DYRK1A: variants seen among roughly 807,000 people sequenced by gnomAD.
DYRK1A encodes dual specificity tyrosine phosphorylation regulated kinase 1A.
A neutral mutation model predicts 79.7 loss-of-function variants in DYRK1A; 9 were observed. That is an observed-to-expected ratio of 0.11 (90% confidence interval 0.07 to 0.20). DYRK1A has a LOEUF of 0.20. Ranked by LOEUF, DYRK1A falls within the 10% of genes least tolerant of loss-of-function variation. DYRK1A has a pLI of 1.00. For missense variants in DYRK1A, 622 were observed against 956.0 expected (o/e 0.65, Z 4.61); for synonymous variants, 349 against 329.7 (o/e 1.06, Z -0.63).
At chr21:37,452,010 G>A (rs1054424029) in intron 2 of DYRK1A, among the ~76,000 whole-genome samples, 20 of 152,216 alleles carry the variant, frequency 1.3e-4, no homozygotes, top group African/African-American at 3.9e-4. Context: ...TGAGAAGGTC[G>A]GTGCAGTTAA....
At chr21:37,478,045 C>A in intron 3 of DYRK1A, 163 bp from the exon 4 acceptor site, 1 of 897,116 alleles carries the variant, frequency 1.1e-6, no homozygotes, top group Non-Finnish European at 1.7e-6. Flanking sequence ...TTGGAATCCA[C>A]ATGAAAGGGA....
At chr21:37,403,545 T>C (rs1237995141) in intron 1 of DYRK1A, among the ~76,000 whole-genome samples, 1 of 151,946 alleles carries the variant, frequency 6.6e-6, no homozygotes, top group African/African-American at 2.4e-5. Flanking sequence ...AGTTCACTGC[T>C]ACCTCACACT....
At chr21:37,468,371 C>T (rs565937366) in intron 2 of DYRK1A, among the ~76,000 whole-genome samples, 2 of 152,160 alleles carry the variant, frequency 1.3e-5, no homozygotes, top group African/African-American at 4.8e-5. Flanking sequence ...CCTCCCAAAG[C>T]CCTGCAATTA....
chr21:37,411,376 C>CA (rs900647754), intron 1 of DYRK1A, among the ~76,000 whole-genome samples: 78 of 147,964 alleles, frequency 5.3e-4, no homozygotes, highest in African/African-American at 1.9e-3. Flanking sequence ...CCCTCCCCCC[C>CA]AAAAAATGAC....
chr21:37,462,043 A>G (rs1330564210), intron 2 of DYRK1A, among the ~76,000 whole-genome samples: 6 of 151,550 alleles, frequency 4.0e-5, no homozygotes, highest in East Asian at 1.9e-4. Context: ...CGTAGATTCT[A>G]TTTCTCTATT....
intron 2 of DYRK1A, among the ~76,000 whole-genome samples, chr21:37,459,336 T>A (rs73218440): frequency 0.02 from 3,095 of 152,340 alleles, 40 homozygotes; most frequent in Non-Finnish European, 0.027. Context: ...TTAAACTTAC[T>A]GAAGGCTGAA....
At chr21:37,481,859 AAT>A (rs935185306) in intron 5 of DYRK1A, among the ~76,000 whole-genome samples, 3 of 151,946 alleles carry the variant, frequency 2.0e-5, no homozygotes, top group African/African-American at 7.3e-5. Context: ...AAAAAAAAAA[AAT>A]GTTAGGGGGA....
intron 2 of DYRK1A, among the ~76,000 whole-genome samples, chr21:37,437,668 G>A (rs1006645646): frequency 6.6e-6 from 1 of 152,086 alleles, no homozygotes; most frequent in African/African-American, 2.4e-5. Context: ...AGTCATATGT[G>A]TTGTGATACC....
At chr21:37,465,217 G>A (rs554454445) in intron 2 of DYRK1A, among the ~76,000 whole-genome samples, 2 of 152,198 alleles carry the variant, frequency 1.3e-5, no homozygotes, top group African/African-American at 2.4e-5. Flanking sequence ...AGCTAAAAAG[G>A]TACCAGAAGT....
chr21:37,386,946 A>C (rs1014343357), intron 1 of DYRK1A, among the ~76,000 whole-genome samples: 6 of 152,174 alleles, frequency 3.9e-5, no homozygotes, highest in Admixed American at 3.9e-4. Flanking sequence ...GGAAAGACTC[A>C]CTAGAAAGGG....
intron 1 of DYRK1A, among the ~76,000 whole-genome samples, chr21:37,391,999 A>G (rs1265749839): frequency 5.9e-5 from 9 of 152,214 alleles, no homozygotes; most frequent in Non-Finnish European, 4.4e-5. Context: ...CTGTCATTTA[A>G]CCCTCAAAGC....
chr21:37,412,672 G>A (rs2835720), intron 1 of DYRK1A, among the ~76,000 whole-genome samples: 20,991 of 152,164 alleles, frequency 0.14, 1,570 homozygotes, highest in Middle Eastern at 0.16. Flanking sequence ...GAGGCACTTC[G>A]AAAATGGATA....
intron 1 of DYRK1A, among the ~76,000 whole-genome samples, chr21:37,377,691 A>C (rs997665481): frequency 6.6e-6 from 1 of 150,790 alleles, no homozygotes; most frequent in Admixed American, 6.6e-5. Flanking sequence ...CTGGTCTTGA[A>C]CTCCTGGCCT....
Position 37,469,687 on chromosome 21 carries a change from A to G in DYRK1A, c.11-2997A>G, listed in dbSNP as rs1435738918. 3.3e-5 allele frequency among the ~76,000 whole-genome samples: 5 copies of G among 152,106 alleles called. No individual in the cohort carries two copies. The East Asian group carries it at 9.6e-4, about 29-fold the overall frequency. ...AAAGGGGGAGGTGCCACACAGTTTT[A>G]AACAGCCTTTTTTCGTGAGAACTCT... On this transcript the variant is annotated intron_variant, in intron 2 of 11. Coordinates refer to ENST00000647188, the MANE Select transcript of DYRK1A (RefSeq NM_001347721.2).
intron 1 of DYRK1A, among the ~76,000 whole-genome samples, chr21:37,417,979 T>C (rs1041916590): frequency 2.0e-5 from 3 of 152,198 alleles, no homozygotes; most frequent in Non-Finnish European, 4.4e-5. Context: ...AAATATACTC[T>C]ATATTTTTCT....
intron 5 of DYRK1A, among the ~76,000 whole-genome samples, chr21:37,482,193 A>G (rs2052668362): frequency 6.6e-6 from 1 of 151,470 alleles, no homozygotes; most frequent in Admixed American, 6.6e-5. Flanking sequence ...GTGAGGAAAA[A>G]GCCATCATGC....
intron 2 of DYRK1A, among the ~76,000 whole-genome samples, chr21:37,442,235 A>G (rs928965382): frequency 1.3e-5 from 2 of 151,774 alleles, no homozygotes; most frequent in Non-Finnish European, 2.9e-5. Flanking sequence ...GAACTTTTAG[A>G]TCTATGGGTT....
intron 5 of DYRK1A, among the ~76,000 whole-genome samples, chr21:37,484,658 C>A (rs771847096): frequency 1.4e-4 from 21 of 152,130 alleles, no homozygotes; most frequent in Non-Finnish European, 2.5e-4. Context: ...ACTTTCCTGA[C>A]ATCTACCATG....
intron 5 of DYRK1A, 63 bp downstream of exon 5, chr21:37,480,889 T>C (rs1212942424): frequency 7.6e-7 from 1 of 1,309,486 alleles, no homozygotes; most frequent in African/African-American, 1.5e-5. Flanking sequence ...AATCTTGTTG[T>C]TAACAGCCCT....
Sources: gnomAD v4.1 joint callset for allele counts (sites outside exome capture counted in the v4.1 genomes callset) on GRCh38, gnomAD v4.1.1 for gene constraint, MANE v1.5 for transcripts, NCBI Gene and HGNC (gene_info 2026-07-23, HGNC 2026-07-21) for gene names.